The following ZNF587B variants were observed in gnomAD, a reference collection of about 807,000 sequenced individuals.
ZNF587B encodes the protein zinc finger protein 587B.
Under a neutral mutation model 7.2 loss-of-function variants are expected in ZNF587B, and 6 were observed. The observed-to-expected ratio is 0.83, with a 90% confidence interval of 0.46 to 1.65. The LOEUF (loss-of-function observed/expected upper bound fraction) is 1.65. ZNF587B is among the 40% of genes most tolerant of loss of function. ZNF587B has a pLI of 0.01. For synonymous variants in ZNF587B, 274 were observed against 254.3 expected (o/e 1.08, Z -0.74); for missense variants, 749 against 761.0 (o/e 0.98, Z 0.19).
rs1989039342 is a variant in ZNF587B, at chr19:57,845,931, G to A, written c.*3355G>A. 6.6e-6 allele frequency: 1 copy of A among 152,186 alleles called. No homozygotes were observed. The highest frequency in any genetic ancestry group is 2.4e-5 in the African/African-American group (1 of 41,440). 9.4% of individuals were successfully genotyped at this position (152,186 alleles called of 1,614,324 possible). A position where few individuals can be genotyped will look rare whatever the true frequency, so the allele number is the denominator to read the frequency against. On this transcript the variant is annotated 3_prime_UTR_variant, in exon 3 of 3. Coordinates refer to ENST00000594901, the MANE Select transcript of ZNF587B (RefSeq NM_001376223.1). ...TGCAGTGAGCTAAGATTGCAACGCTGCAGTCCAGCCTGGGTGATAGAGTGA... is the reference window on the plus strand; with the variant it reads ...TGCAGTGAGCTAAGATTGCAACGCTACAGTCCAGCCTGGGTGATAGAGTGA...
Position 57,842,068 on chromosome 19 carries a change from C to G in ZNF587B, c.1394C>G (p.Pro465Arg), listed in dbSNP as rs1300929420. Residue 465 changes from proline (P) to arginine (R), a missense_variant, in exon 3 of 3, where the codon CCT (proline) becomes CGT (arginine). Pro to Arg is a moderately radical substitution (Grantham distance 103). Coordinates refer to ENST00000594901, the MANE Select transcript of ZNF587B (RefSeq NM_001376223.1). ...CAGCATGGCCATACTAGAAAAAGGC[C>G]TTATATGTGTTGGGAATGTGGAAAA... Reference protein sequence around the residue: ...LHQHGHTRKRPYMCWECGKLF... With the variant: ...LHQHGHTRKRRYMCWECGKLF... 6.3e-7 allele frequency: 1 copy of G among 1,590,482 alleles called. No homozygotes were observed. Among genetic ancestry groups the G allele is most frequent in the African/African-American group, 1.3e-5 (1 of 74,126 alleles).
At position 57,841,564 on chromosome 19, in the gene ZNF587B, C is replaced by A; in HGVS notation, c.890C>A (p.Pro297His). Residue 297 changes from proline (P) to histidine (H), a missense_variant, in exon 3 of 3, where the codon CCT becomes CAT. Physicochemically the swap from Pro to His is moderately conservative, Grantham distance 77 (BLOSUM62 -2). Coordinates refer to ENST00000594901, the MANE Select transcript of ZNF587B (RefSeq NM_001376223.1). ...QHQQFHTGGK[P>H]YGCEECGKYF... ...CAGCAATTTCACACTGGAGGAAAAC[C>A]TTATGGGTGTGAAGAATGTGGGAAA... 6.3e-7 allele frequency: 1 copy of A among 1,578,678 alleles called. No homozygotes were observed. The highest frequency in any genetic ancestry group is 8.6e-7 in the Non-Finnish European group (1 of 1,161,880).
chr19:57,832,912 C>G, intron 1 of ZNF587B, among the ~76,000 whole-genome samples: 1 of 152,204 alleles, frequency 6.6e-6, no homozygotes, highest in Non-Finnish European at 1.5e-5. Context: ...ATGTCTCTGT[C>G]AGTGCTGAAG....
rs537467914 is a variant in ZNF587B at position 57,846,236 on chromosome 19, T to C, written c.*3660T>C. 4 of 152,306 alleles carry C rather than the reference T, an allele frequency of 2.6e-5. No homozygotes were observed. The South Asian group carries it at 8.3e-4, about 32-fold the overall frequency. The allele number at this position is 152,306 out of a possible 1,614,324, so 9.4% of individuals were successfully genotyped here. A position where few individuals can be genotyped will look rare whatever the true frequency, so the allele number is the denominator to read the frequency against. ...TGATGTAATAAAGTGTTTCCTCTTA[T>C]AATCCCTGGGTGCTCTCCTGCATCA... On this transcript the variant is annotated 3_prime_UTR_variant, in exon 3 of 3. Coordinates refer to ENST00000594901, the MANE Select transcript of ZNF587B (RefSeq NM_001376223.1).
At chr19:57,840,726 C>T in intron 2 of ZNF587B, 112 bp from the exon 3 acceptor site, 3 of 1,601,402 alleles carry the variant, frequency 1.9e-6, no homozygotes, top group South Asian at 1.1e-5. Context: ...ACATCCTGTT[C>T]CTCCAAGTAG....
chr19:57,842,857 C>T lies in ZNF587B; in HGVS notation c.*281C>T. On this transcript the variant is annotated 3_prime_UTR_variant, in exon 3 of 3. Transcript: ENST00000594901. ...TCCAGAAGTCTGGCTTCAAAACTCACAGGAGAGCTGTCACTACGGAAATGC... is the reference window on the plus strand; with the variant it reads ...TCCAGAAGTCTGGCTTCAAAACTCATAGGAGAGCTGTCACTACGGAAATGC... The T allele has an allele frequency of 1.0e-6, 1 of 985,406 alleles. No individual in the cohort carries two copies. Among genetic ancestry groups the T allele is most frequent in the Non-Finnish European group, 1.2e-6 (1 of 829,938 alleles). 61.0% of individuals were successfully genotyped at this position (985,406 alleles called of 1,614,324 possible). A position where few individuals can be genotyped will look rare whatever the true frequency, so the allele number is the denominator to read the frequency against.
rs1200332210 is a variant in ZNF587B at position 57,842,995 on chromosome 19, T to C, written c.*419T>C. The stretch of plus-strand genomic sequence containing the variant: ...TAGGTTAGATATATAGGGAATGTTA[T>C]TATTTTTTCCTTTTTTTGGAGAGAC... On this transcript the variant is annotated 3_prime_UTR_variant, in exon 3 of 3. Coordinates refer to ENST00000594901, the MANE Select transcript of ZNF587B (RefSeq NM_001376223.1). 6 of 984,548 alleles carry C rather than the reference T, an allele frequency of 6.1e-6. No individual in the cohort carries two copies. Among genetic ancestry groups the C allele is most frequent in the South Asian group, 9.4e-5 (2 of 21,266 alleles). The allele number at this position is 984,548 out of a possible 1,614,324, so 61.0% of individuals were successfully genotyped here. A position where few individuals can be genotyped will look rare whatever the true frequency, so the allele number is the denominator to read the frequency against.
In ZNF587B at chr19:57,838,821, T is replaced by TC; in HGVS notation, c.37-202_37-201insC. On this transcript the variant is annotated intron_variant, in intron 1 of 2. Transcript: ENST00000594901. ...AAGTGCCTGTCAGGAGTGGGTGGAC[T>TC]TTATGTCACAGCCACTGCACAGATA... Among the ~76,000 whole-genome samples, 2 of 152,134 alleles carry TC rather than the reference T, an allele frequency of 1.3e-5. 1 individual carries two copies. The highest frequency in any genetic ancestry group is 3.9e-4 in the East Asian group (2 of 5,180).
intron 1 of ZNF587B, among the ~76,000 whole-genome samples, chr19:57,836,923 A>G (rs1290169018): frequency 7.6e-6 from 1 of 132,370 alleles, no homozygotes; most frequent in Non-Finnish European, 1.5e-5. Context: ...AGATTGCACC[A>G]CCCCGCTCCA....
At chr19:57,834,842 C>A (rs1988540909) in intron 1 of ZNF587B, among the ~76,000 whole-genome samples, 1 of 127,170 alleles carries the variant, frequency 7.9e-6, no homozygotes, top group African/African-American at 3.0e-5. Flanking sequence ...GAGACTCTCT[C>A]TTAAAAAAAA....
At chr19:57,832,205 G>C (rs1988438588) in intron 1 of ZNF587B, among the ~76,000 whole-genome samples, 1 of 151,892 alleles carries the variant, frequency 6.6e-6, no homozygotes. Context: ...TCCTGCCTCA[G>C]CCTCCCGAGT....
At chr19:57,832,197 C>A (rs1391049355) in intron 1 of ZNF587B, among the ~76,000 whole-genome samples, 2 of 152,122 alleles carry the variant, frequency 1.3e-5, no homozygotes, top group South Asian at 2.1e-4. Context: ...TGCCATTCTC[C>A]TGCCTCAGCC....
At chr19:57,840,051 G>A (rs887264820) in intron 2 of ZNF587B, among the ~76,000 whole-genome samples, 1 of 125,948 alleles carries the variant, frequency 7.9e-6, no homozygotes, top group African/African-American at 3.1e-5. Context: ...CTCCAGCCTG[G>A]GCAACAGAGC....
intron 2 of ZNF587B, among the ~76,000 whole-genome samples, chr19:57,840,379 C>G (rs1284488351): frequency 6.6e-6 from 1 of 152,072 alleles, no homozygotes; most frequent in East Asian, 1.9e-4. Flanking sequence ...CAAATCTCAT[C>G]CATTTTACAT....
intron 1 of ZNF587B, among the ~76,000 whole-genome samples, chr19:57,838,489 T>A (rs1988715205): frequency 6.6e-6 from 1 of 151,968 alleles, no homozygotes; most frequent in African/African-American, 2.4e-5. Flanking sequence ...TAGCCCCAGC[T>A]ACTTAGGAGG....
chr19:57,839,663 C>T lies in ZNF587B; in HGVS notation c.163+514C>T, dbSNP rs563993142. Among the ~76,000 whole-genome samples the T allele has an allele frequency of 2.0e-5, 3 of 152,158 alleles. No individual in the cohort carries two copies. In the East Asian group the frequency reaches 5.8e-4, roughly 29 times the overall value. Reference sequence around the variant, plus strand: ...TGTTCTGTCTTTCCCTTAGTCTGTGCATCATTCATGTCCCATGTATTTGGT... The same window carrying T: ...TGTTCTGTCTTTCCCTTAGTCTGTGTATCATTCATGTCCCATGTATTTGGT... On this transcript the variant is annotated intron_variant, in intron 2 of 2. Coordinates refer to ENST00000594901, the MANE Select transcript of ZNF587B (RefSeq NM_001376223.1).
At position 57,843,600 on chromosome 19, in the gene ZNF587B, GTTTTTTTTTTTTTT is replaced by G; in HGVS notation, c.*1031_*1044del. On this transcript the variant is annotated 3_prime_UTR_variant, in exon 3 of 3. Transcript: ENST00000594901. The stretch of plus-strand genomic sequence containing the variant: ...GTTGGTTGGTTGGTTGTTTTTTTTT[GTTTTTTTTTTTTTT>G]TTTTTTGGAGACAAAGTTTCACTGT... 1.6e-6 allele frequency: 1 copy of G among 644,312 alleles called. No homozygotes were observed. The highest frequency in any genetic ancestry group is 1.8e-6 in the Non-Finnish European group (1 of 563,266). The allele number at this position is 644,312 out of a possible 1,614,324, so 39.9% of individuals were successfully genotyped here. A position where few individuals can be genotyped will look rare whatever the true frequency, so the allele number is the denominator to read the frequency against.
At chr19:57,839,328 G>A (rs1345866381) in intron 2 of ZNF587B, among the ~76,000 whole-genome samples, 179 bp downstream of exon 2, 3 of 152,210 alleles carry the variant, frequency 2.0e-5, no homozygotes, top group East Asian at 3.9e-4. Context: ...TCTTGGAGCA[G>A]CCCCAGCACC....
chr19:57,842,212 A>G lies in ZNF587B; in HGVS notation c.1538A>G (p.Gln513Arg), dbSNP rs779823748. 4.3e-6 allele frequency: 7 copies of G among 1,613,508 alleles called. No individual in the cohort carries two copies. Among genetic ancestry groups the G allele is most frequent in the Middle Eastern group, 1.7e-4 (1 of 6,060 alleles). ...CACAAGTGCCACCTCACTGCACACC[A>G]GAGAGTTCACACTGGAGAAAGGCCA... Reference protein sequence around the residue: ...FRHKCHLTAHQRVHTGERPYE... With the variant: ...FRHKCHLTAHRRVHTGERPYE... Residue 513 changes from glutamine (Q) to arginine (R), a missense_variant, in exon 3 of 3, where the codon CAG becomes CGG. Around this residue, in one of 3 missense-constraint regions of ZNF587B, gnomAD observed 656 missense variants for 596.5 expected, o/e 1.10. Coordinates refer to ENST00000594901, the MANE Select transcript of ZNF587B (RefSeq NM_001376223.1).
Sources: allele counts gnomAD v4.1 joint callset (sites outside exome capture counted in the v4.1 genomes callset), GRCh38; gene constraint gnomAD v4.1.1; regional missense constraint gnomAD v4.1.1; transcripts MANE v1.5; gene names NCBI Gene and HGNC (gene_info 2026-07-23, HGNC 2026-07-21).